The following PHKG1 variants were observed in gnomAD, a reference collection of about 807,000 sequenced individuals.
PHKG1 encodes phosphorylase kinase catalytic subunit gamma 1.
In PHKG1, 48 loss-of-function variants were observed where a neutral mutation model predicts 50.5. That is an observed-to-expected ratio of 0.95 (90% confidence interval 0.75 to 1.21). PHKG1 has a LOEUF of 1.21. Among genes scored for constraint, PHKG1 ranks in the 50% most tolerant of loss-of-function variants. The pLI, the probability that PHKG1 is intolerant of heterozygous loss-of-function variation, is 0.00. For missense variants in PHKG1, 487 were observed against 519.5 expected (o/e 0.94, Z 0.61); for synonymous variants, 204 against 212.8 (o/e 0.96, Z 0.36).
chr7:56,082,840 G>C (rs1796075050), intron 6 of PHKG1, among the ~76,000 whole-genome samples: 1 of 152,116 alleles, frequency 6.6e-6, no homozygotes, highest in African/African-American at 2.4e-5. Flanking sequence ...GGGCATGGTG[G>C]CTCACGCCTG....
At chr7:56,092,578 G>A (rs1796528533) in intron 1 of PHKG1, among the ~76,000 whole-genome samples, 3 of 152,050 alleles carry the variant, frequency 2.0e-5, no homozygotes, top group Admixed American at 6.6e-5. Context: ...TGCCTGGCCT[G>A]GTACTTTTTG....
At chr7:56,091,358 A>C (rs1003880611) in intron 1 of PHKG1, among the ~76,000 whole-genome samples, 1 of 152,052 alleles carries the variant, frequency 6.6e-6, no homozygotes, top group African/African-American at 2.4e-5. Context: ...CTACTAAAAA[A>C]TACAAAAAAT....
intron 1 of PHKG1, among the ~76,000 whole-genome samples, chr7:56,092,139 G>A (rs951383446): frequency 2.6e-5 from 4 of 152,212 alleles, no homozygotes; most frequent in African/African-American, 9.6e-5. Context: ...CCTTTCCTGG[G>A]GGGCTGAGGA....
intron 6 of PHKG1, among the ~76,000 whole-genome samples, chr7:56,082,600 A>C (rs991118153): frequency 5.9e-5 from 9 of 151,818 alleles, no homozygotes; most frequent in African/African-American, 1.9e-4. Flanking sequence ...TCAAAAAAAA[A>C]AGAGAGGAAG....
chr7:56,080,963 A>G lies in PHKG1; in HGVS notation c.*91T>C. On this transcript the variant is annotated 3_prime_UTR_variant, in exon 10 of 10. Transcript: ENST00000297373. ...GGCCAGGGCCAAGTGCTCCTTCTGC[A>G]GAGGCCTGCACGCATCTCACCCCTT... 6.9e-7 allele frequency: 1 copy of G among 1,452,638 alleles called. No individual in the cohort carries two copies. Among genetic ancestry groups the G allele is most frequent in the Non-Finnish European group, 9.4e-7 (1 of 1,068,636 alleles). 90.0% of individuals were successfully genotyped at this position (1,452,638 alleles called of 1,614,324 possible). A position where few individuals can be genotyped will look rare whatever the true frequency, so the allele number is the denominator to read the frequency against.
chr7:56,082,241 G>A lies in PHKG1; in HGVS notation c.560C>T (p.Thr187Ile). The A allele has an allele frequency of 1.2e-6, 2 of 1,613,302 alleles. No individual in the cohort carries two copies. The highest frequency in any genetic ancestry group is 1.7e-6 in the Non-Finnish European group (2 of 1,179,822). The stretch of plus-strand genomic sequence containing the variant: ...AATCTCAGGGGCCAGGTAACTGGGG[G>A]TCCCGCAGACCTCTGCAGGAACAGT... The part of the protein sequence containing the change: ...PGERLREVCG[T>I]PSYLAPEIIE... Residue 187 changes from threonine to isoleucine, a missense_variant, in exon 7 of 10, where the codon ACC (threonine) becomes ATC (isoleucine). Coordinates refer to ENST00000297373, the MANE Select transcript of PHKG1 (RefSeq NM_006213.5).
chr7:56,082,319 G>A (rs1190128570), intron 6 of PHKG1, 66 bp from the exon 7 acceptor site: 19 of 1,258,760 alleles, frequency 1.5e-5, no homozygotes, highest in Middle Eastern at 3.9e-4. Context: ...CAGGCTGGCC[G>A]CAGTGGCTCA....
Position 56,081,832 on chromosome 7 carries a change from C to A in PHKG1, c.792+61G>T. The stretch of plus-strand genomic sequence containing the variant: ...CATGTCAGGAAAGGCAGGGCCTCCC[C>A]GGGCAGGGGCGCCTGGCATCGCAGC... On this transcript the variant is annotated intron_variant, in intron 8 of 9. Transcript: ENST00000297373. The surrounding 1 kb of genome is among the most constrained non-coding windows in gnomAD (Gnocchi z 4.6). 1 of 1,608,360 alleles carries A rather than the reference C, an allele frequency of 6.2e-7. No homozygotes were observed. The highest frequency in any genetic ancestry group is 2.2e-5 in the East Asian group (1 of 44,618).
intron 6 of PHKG1, among the ~76,000 whole-genome samples, chr7:56,082,699 G>A (rs1796069454): frequency 6.6e-6 from 1 of 152,202 alleles, no homozygotes; most frequent in Admixed American, 6.5e-5. Context: ...CCAGGGCAGG[G>A]CGGGATACTG....
rs1414490881 is a variant in PHKG1, at chr7:56,082,052, C to T, written c.639-6G>A. 1.2e-5 allele frequency: 20 copies of T among 1,611,386 alleles called. No homozygotes were observed. The highest frequency in any genetic ancestry group is 1.4e-5 in the Non-Finnish European group (17 of 1,178,046). On this transcript the variant is annotated splice_region_variant and splice_polypyrimidine_tract_variant and intron_variant, in intron 7 of 9. Coordinates refer to ENST00000297373, the MANE Select transcript of PHKG1 (RefSeq NM_006213.5). The stretch of plus-strand genomic sequence containing the variant: ...TGATGACGCCAGTGCTCCACCTGGA[C>T]ATGCGAGGGCCCAGGGCCACTTACC...
At chr7:56,086,522 C>G (rs1032062592) in intron 4 of PHKG1, among the ~76,000 whole-genome samples, 2 of 152,018 alleles carry the variant, frequency 1.3e-5, no homozygotes, top group African/African-American at 4.8e-5. Flanking sequence ...GAGTTTCGCT[C>G]TCGTAGCCCA....
intron 1 of PHKG1, among the ~76,000 whole-genome samples, chr7:56,089,626 C>T (rs1342569520): frequency 3.3e-5 from 5 of 151,664 alleles, no homozygotes; most frequent in African/African-American, 4.8e-5. Flanking sequence ...CAGGTTCAAG[C>T]GATTCTCCTG....
In PHKG1 at chr7:56,087,667, G is replaced by A; in HGVS notation, c.193C>T (p.Arg65Trp). ...TTCAGCGTGGCTTCTCGCAGCTCCC[G>A]CACCTCCTCCGGGCTGAAGCTGCCT... ...GGGSFSPEEV[R>W]ELREATLKEV... Residue 65 changes from arginine to tryptophan, a missense_variant, in exon 3 of 10, where the codon CGG becomes TGG. Arg to Trp is a moderately radical substitution (Grantham distance 101). Transcript: ENST00000297373. The A allele has an allele frequency of 1.9e-6, 3 of 1,613,906 alleles. No homozygotes were observed. Among genetic ancestry groups the A allele is most frequent in the Non-Finnish European group, 8.5e-7 (1 of 1,180,008 alleles).
chr7:56,084,083 G>C (rs1025463637), intron 4 of PHKG1: 1 of 874,726 alleles, frequency 1.1e-6, no homozygotes, highest in African/African-American at 1.7e-5. Flanking sequence ...CCTAGTTCCA[G>C]GCCAGGATGG....
rs764743460 is a variant in PHKG1, at chr7:56,081,259, T to C, written c.959A>G (p.Tyr320Cys). 1.6e-5 allele frequency: 26 copies of C among 1,612,588 alleles called. No homozygotes were observed. The highest frequency in any genetic ancestry group is 3.4e-4 in the Middle Eastern group (2 of 5,880). The change falls in exon 10 of 10, where the codon TAC (tyrosine) becomes TGC (cysteine). Residue 320 changes from tyrosine to cysteine, a missense_variant. Transcript: ENST00000297373. The surrounding 1 kb of genome is among the most constrained non-coding windows in gnomAD (Gnocchi z 4.6). ...LTVLASVRIY[Y>C]QYRRVKPVTR... is the part of the protein sequence containing the mutation. ...CACAGGCTTCACCCGGCGGTACTGGTAGTAGATCCGCACTGAAGCCAGCAC... is the reference window on the plus strand; with the variant it reads ...CACAGGCTTCACCCGGCGGTACTGGCAGTAGATCCGCACTGAAGCCAGCAC...
chr7:56,082,308 C>T (rs1796043094), intron 6 of PHKG1, 55 bp from the exon 7 acceptor site: 5 of 1,405,386 alleles, frequency 3.6e-6, no homozygotes, highest in Middle Eastern at 1.8e-4. Flanking sequence ...AAGAGGAAGT[C>T]CAGGCTGGCC....
At chr7:56,089,095 A>G in intron 1 of PHKG1, 120 bp from the exon 2 acceptor site, 2 of 571,260 alleles carry the variant, frequency 3.5e-6, no homozygotes, top group South Asian at 4.5e-5. Flanking sequence ...CCTATAGTGA[A>G]TGTTCCAAAT....
intron 1 of PHKG1, among the ~76,000 whole-genome samples, chr7:56,092,625 A>C (rs893659485): frequency 2.6e-5 from 4 of 152,032 alleles, no homozygotes; most frequent in African/African-American, 9.7e-5. Flanking sequence ...TGAGTCCAAA[A>C]ACCAGATCAG....
At chr7:56,087,047 G>A (rs1432593774) in intron 3 of PHKG1, 23 bp from the exon 4 acceptor site, 1 of 1,602,560 alleles carries the variant, frequency 6.2e-7, no homozygotes, top group Non-Finnish European at 8.5e-7. Context: ...TGGCTAGCTT[G>A]TCTCAAGTAG....
Sources: gnomAD v4.1 joint callset for allele counts (sites outside exome capture counted in the v4.1 genomes callset) on GRCh38, gnomAD v4.1.1 for gene constraint, Gnocchi (gnomAD v3.1) non-coding constraint, MANE v1.5 for transcripts, NCBI Gene and HGNC (gene_info 2026-07-23, HGNC 2026-07-21) for gene names.